CLSTN2: variants seen among roughly 807,000 people sequenced by gnomAD.
The protein encoded by CLSTN2 is calsyntenin-2.
A neutral mutation model predicts 101.2 loss-of-function variants in CLSTN2; 48 were observed. The ratio of observed to expected loss-of-function variants is 0.47; its 90% CI spans 0.38 to 0.60. The LOEUF (loss-of-function observed/expected upper bound fraction) is 0.60, where lower values mean the gene tolerates loss of function less well. Among genes scored for constraint, CLSTN2 ranks in the 20% least tolerant of loss-of-function variants. The pLI, the probability that CLSTN2 is intolerant of heterozygous loss-of-function variation, is 0.00. For missense variants in CLSTN2, 1,160 were observed against 1,238.2 expected (o/e 0.94, Z 0.95); for synonymous variants, 481 against 463.6 (o/e 1.04, Z -0.48).
chr3:140,519,793 A>C (rs1934991608), intron 8 of CLSTN2, among the ~76,000 whole-genome samples: 1 of 152,052 alleles, frequency 6.6e-6, no homozygotes, highest in Non-Finnish European at 1.5e-5. Context: ...TTAAATTGGA[A>C]CATTTAGCTC....
At chr3:140,169,754 T>A (rs2010184603) in intron 1 of CLSTN2, among the ~76,000 whole-genome samples, 1 of 152,154 alleles carries the variant, frequency 6.6e-6, no homozygotes, top group South Asian at 2.1e-4. Flanking sequence ...GATACTCCAT[T>A]AATATATATT....
At position 140,115,839 on chromosome 3, in the gene CLSTN2, T is replaced by G. The variant is rs115704274; in HGVS notation, c.110-60112T>G. Among the ~76,000 whole-genome samples, 491 of 152,308 alleles carry G rather than the reference T, an allele frequency of 3.2e-3. 2 individuals carry two copies. Among genetic ancestry groups the G allele is most frequent in the Non-Finnish European group, 6.1e-3 (412 of 68,024 alleles). On this transcript the variant is annotated intron_variant, in intron 1 of 16. Coordinates refer to ENST00000458420, the MANE Select transcript of CLSTN2 (RefSeq NM_022131.3). ...CATTCTTCAGGAAATAAAAAGTAGC[T>G]TCCTAGGCTTGATCAGAAATCCTCT...
At chr3:140,036,362 G>C (rs954112281) in intron 1 of CLSTN2, among the ~76,000 whole-genome samples, 1 of 152,070 alleles carries the variant, frequency 6.6e-6, no homozygotes, top group Admixed American at 6.6e-5. Flanking sequence ...TTTTAATTAG[G>C]GACCAACACT....
chr3:140,510,918 C>G (rs137900402), intron 8 of CLSTN2, among the ~76,000 whole-genome samples: 1 of 152,258 alleles, frequency 6.6e-6, no homozygotes, highest in African/African-American at 2.4e-5. Context: ...CAGGTAAATG[C>G]GTGCCATGGT....
rs116829762 is a variant in CLSTN2 at position 140,127,188 on chromosome 3, G to C, written c.110-48763G>C. ...CTGCCCCCCATCATCAACACAGATA[G>C]TAACAATCTGTGTTACTGACAGGCT... On this transcript the variant is annotated intron_variant, in intron 1 of 16. Transcript: ENST00000458420. Among the ~76,000 whole-genome samples the C allele has an allele frequency of 3.3e-3, 507 of 152,194 alleles. 2 individuals are homozygous for C. The highest frequency in any genetic ancestry group is 0.012 in the African/African-American group (484 of 41,530).
chr3:140,185,546 T>C (rs368497672), intron 2 of CLSTN2, among the ~76,000 whole-genome samples: 56 of 152,316 alleles, frequency 3.7e-4, no homozygotes, highest in African/African-American at 1.3e-3. Flanking sequence ...CCAGCCCACC[T>C]GACCAACTGT....
At position 140,128,805 on chromosome 3, in the gene CLSTN2, AG is replaced by A. The variant is rs530593951; in HGVS notation, c.110-47143del. On this transcript the variant is annotated intron_variant, in intron 1 of 16. Transcript: ENST00000458420. ...CATTGATGGGGTCCATGTGGCCTCC[AG>A]GGCACAGAACTGGATGAAGAAGGGA... is the stretch of plus-strand genomic sequence containing the variant. 8.5e-5 allele frequency among the ~76,000 whole-genome samples: 13 copies of A among 152,306 alleles called. No homozygotes were observed. The South Asian group carries it at 2.3e-3, about 27-fold the overall frequency.
At chr3:140,002,817 T>A (rs1386003578) in intron 1 of CLSTN2, among the ~76,000 whole-genome samples, 1 of 150,026 alleles carries the variant, frequency 6.7e-6, no homozygotes, top group African/African-American at 2.5e-5. Context: ...TTGAAGAGAC[T>A]GTATTTTCCC....
At chr3:140,541,978 T>C (rs931404103) in intron 9 of CLSTN2, among the ~76,000 whole-genome samples, 4 of 152,086 alleles carry the variant, frequency 2.6e-5, no homozygotes, top group Admixed American at 2.0e-4. Flanking sequence ...CCAGGGTGTA[T>C]TTAGATGGAA....
intron 2 of CLSTN2, among the ~76,000 whole-genome samples, chr3:140,207,395 T>C (rs1469845258): frequency 6.6e-6 from 1 of 152,222 alleles, no homozygotes; most frequent in Non-Finnish European, 1.5e-5. Context: ...CTTAATGGCA[T>C]AATTTCAGAC....
chr3:140,481,420 G>C (rs1429896956), intron 8 of CLSTN2, among the ~76,000 whole-genome samples: 26 of 152,164 alleles, frequency 1.7e-4, no homozygotes. Context: ...GGATTTACTT[G>C]ACAATGTGGG....
chr3:140,156,423 A>G (rs2009954868), intron 1 of CLSTN2, among the ~76,000 whole-genome samples: 1 of 152,206 alleles, frequency 6.6e-6, no homozygotes, highest in Non-Finnish European at 1.5e-5. Context: ...TATTGAATTG[A>G]TGAATGGTAT....
intron 1 of CLSTN2, among the ~76,000 whole-genome samples, chr3:140,099,575 A>G (rs1192833931): frequency 5.3e-5 from 8 of 152,096 alleles, no homozygotes; most frequent in Admixed American, 4.6e-4. Context: ...ATGTGGACCT[A>G]TTTTGTCAGG....
intron 1 of CLSTN2, among the ~76,000 whole-genome samples, chr3:140,097,558 A>T (rs1023357124): frequency 2.0e-5 from 3 of 152,238 alleles, no homozygotes; most frequent in Non-Finnish European, 4.4e-5. Flanking sequence ...CACACAAATC[A>T]TTCAAATGCA....
At chr3:140,475,372 C>G (rs1933959768) in intron 8 of CLSTN2, among the ~76,000 whole-genome samples, 1 of 152,220 alleles carries the variant, frequency 6.6e-6, no homozygotes, top group South Asian at 2.1e-4. Context: ...TAGACATAGT[C>G]TCCACAAACA....
At chr3:140,565,947 T>A in intron 16 of CLSTN2, 106 bp from the exon 17 acceptor site, 2 of 1,397,148 alleles carry the variant, frequency 1.4e-6, no homozygotes, top group Non-Finnish European at 2.0e-6. Flanking sequence ...AAAGAAGAAA[T>A]TCCAAGGGGC....
At chr3:140,323,765 A>C (rs1001097190) in intron 2 of CLSTN2, among the ~76,000 whole-genome samples, 1 of 152,254 alleles carries the variant, frequency 6.6e-6, no homozygotes, top group Non-Finnish European at 1.5e-5. Flanking sequence ...CAACTGGAAG[A>C]AACAATGAGG....
intron 1 of CLSTN2, among the ~76,000 whole-genome samples, chr3:140,171,908 A>G (rs1308798401): frequency 3.8e-5 from 5 of 130,284 alleles, no homozygotes; most frequent in East Asian, 4.1e-4. Context: ...ATTATATATT[A>G]TGTGTGTGTG....
intron 5 of CLSTN2, among the ~76,000 whole-genome samples, chr3:140,448,135 T>C (rs1396515161): frequency 6.6e-6 from 1 of 152,184 alleles, no homozygotes; most frequent in African/African-American, 2.4e-5. Flanking sequence ...TGAAAAGTTG[T>C]AACTGCAGGC....
Sources: gnomAD v4.1 joint callset for allele counts (sites outside exome capture counted in the v4.1 genomes callset) on GRCh38, gnomAD v4.1.1 for gene constraint, MANE v1.5 for transcripts, NCBI Gene and HGNC (gene_info 2026-07-23, HGNC 2026-07-21) for gene names.